MARK4: variants seen among roughly 807,000 people sequenced by gnomAD.
MARK4 encodes the protein microtubule affinity regulating kinase 4, also known as MAP/microtubule affinity-regulating kinase 4.
In MARK4, 19 loss-of-function variants were observed where a neutral mutation model predicts 81.5. The ratio of observed to expected loss-of-function variants is 0.23; its 90% CI spans 0.16 to 0.34. The LOEUF is 0.34. Ranked by LOEUF, MARK4 falls within the 10% of genes least tolerant of loss-of-function variation. MARK4 has a pLI of 1.00. For missense variants in MARK4, 772 were observed against 1,058.8 expected (o/e 0.73, Z 3.76); for synonymous variants, 436 against 439.0 (o/e 0.99, Z 0.08).
chr19:45,262,508 A>G (rs1479287218), intron 2 of MARK4, among the ~76,000 whole-genome samples: 2 of 152,182 alleles, frequency 1.3e-5, no homozygotes, highest in South Asian at 2.1e-4. Context: ...TCCACTGTTC[A>G]TTTGTTCAAA....
chr19:45,268,525 A>G (rs914436476), intron 7 of MARK4, among the ~76,000 whole-genome samples: 14 of 151,540 alleles, frequency 9.2e-5, no homozygotes, highest in Non-Finnish European at 1.9e-4. Flanking sequence ...TGGAGGTTGC[A>G]GTGTGCCAAG....
intron 1 of MARK4, among the ~76,000 whole-genome samples, chr19:45,255,897 G>GAC (rs34086039): frequency 0.45 from 67,706 of 152,032 alleles, 16,262 homozygotes; most frequent in Non-Finnish European, 0.55. Context: ...CTGAAAGGGA[G>GAC]ACAGTCCCTG....
chr19:45,270,575 A>G (rs1402474408), intron 7 of MARK4, among the ~76,000 whole-genome samples: 1 of 151,714 alleles, frequency 6.6e-6, no homozygotes, highest in Non-Finnish European at 1.5e-5. Flanking sequence ...ATTACATAGT[A>G]CTCGCTGGGT....
Sources: gnomAD v4.1 joint callset for allele counts (sites outside exome capture counted in the v4.1 genomes callset) on GRCh38, gnomAD v4.1.1 for gene constraint, MANE v1.5 for transcripts, NCBI Gene and HGNC (gene_info 2026-07-23, HGNC 2026-07-21) for gene names.